The following ADGB variants were observed in gnomAD, a reference collection of about 807,000 sequenced individuals.
The protein encoded by ADGB is androglobin, also known as calpain-7-like protein.
In ADGB, 172 loss-of-function variants were observed where a neutral mutation model predicts 210.5. That is an observed-to-expected ratio of 0.82 (90% confidence interval 0.72 to 0.93). The LOEUF (loss-of-function observed/expected upper bound fraction) is 0.93, where lower values mean the gene tolerates loss of function less well. ADGB is among the 40% of genes least tolerant of loss of function. The pLI, the probability that ADGB is intolerant of heterozygous loss-of-function variation, is 0.00. For synonymous variants in ADGB, 658 were observed against 662.7 expected, an observed-to-expected ratio of 0.99 and a Z score of 0.11; for missense variants, 2,025 against 1,964.8, an observed-to-expected ratio of 1.03 and a Z score of -0.58.
intron 18 of ADGB, 196 bp from the exon 19 acceptor site, chr6:146,725,887 A>G: frequency 4.6e-6 from 2 of 433,818 alleles, no homozygotes; most frequent in Non-Finnish European, 8.3e-6. Flanking sequence ...CATAATAAGT[A>G]AAGCGTAGAT....
Position 146,721,478 on chromosome 6 carries a change from G to T in ADGB, c.2068G>T (p.Ala690Ser), listed in dbSNP as rs777381106. ...TATTGAACTACTGGTTTGCTTTTCT[G>T]CATTGGTACGCTGGGGGGAGTATGG... The part of the protein sequence containing the change: ...KPIELLVCFS[A>S]LVRWGEYGAL... Residue 690 changes from alanine to serine, a missense_variant, in exon 17 of 36, where the codon GCA (alanine) becomes TCA (serine). Physicochemically the swap from Ala to Ser is moderately conservative, Grantham distance 99. Coordinates refer to ENST00000397944, the MANE Select transcript of ADGB (RefSeq NM_024694.4). 1 of 1,549,750 alleles carries T rather than the reference G, an allele frequency of 6.5e-7. No homozygotes were observed. Among genetic ancestry groups the T allele is most frequent in the Non-Finnish European group, 8.7e-7 (1 of 1,145,266 alleles).
At chr6:146,758,121 G>A (rs1442690481) in intron 27 of ADGB, among the ~76,000 whole-genome samples, 1 of 152,002 alleles carries the variant, frequency 6.6e-6, no homozygotes, top group Non-Finnish European at 1.5e-5. Context: ...TCAGCACTTA[G>A]GCTGCATTAC....
intron 3 of ADGB, among the ~76,000 whole-genome samples, chr6:146,651,187 C>A (rs1040073225): frequency 1.3e-5 from 2 of 152,194 alleles, no homozygotes; most frequent in Non-Finnish European, 2.9e-5. Context: ...GGACAACCAG[C>A]CATGAGCTGC....
At chr6:146,603,212 CAA>C (rs1367922486) in intron 1 of ADGB, among the ~76,000 whole-genome samples, 1 of 152,086 alleles carries the variant, frequency 6.6e-6, no homozygotes, top group African/African-American at 2.4e-5. Flanking sequence ...CAATTATAAA[CAA>C]ATTAAATTAA....
intron 29 of ADGB, among the ~76,000 whole-genome samples, chr6:146,773,571 CTTAA>C (rs1777684115): frequency 6.6e-6 from 1 of 152,144 alleles, no homozygotes; most frequent in Non-Finnish European, 1.5e-5. Context: ...ATGCATTCTT[CTTAA>C]TTCTCACAAA....
chr6:146,731,043 C>T (rs189442796), intron 20 of ADGB, among the ~76,000 whole-genome samples: 144 of 152,180 alleles, frequency 9.5e-4, no homozygotes, highest in African/African-American at 3.4e-3. Flanking sequence ...TGCTCTAAGG[C>T]AAAGGATGTG....
intron 23 of ADGB, among the ~76,000 whole-genome samples, chr6:146,737,152 A>C (rs561636206): frequency 1.2e-4 from 18 of 152,246 alleles, no homozygotes; most frequent in Admixed American, 7.8e-4. Flanking sequence ...GGCAGAAAAA[A>C]AAAACCTCTA....
At chr6:146,809,804 AAAATT>A (rs1778277016) in intron 35 of ADGB, among the ~76,000 whole-genome samples, 7 of 152,236 alleles carry the variant, frequency 4.6e-5, no homozygotes, top group Admixed American at 4.6e-4. Context: ...GCTATACAAA[AAAATT>A]AAATAGATTA....
At chr6:146,634,591 G>A (rs1775374432) in intron 1 of ADGB, among the ~76,000 whole-genome samples, 1 of 151,988 alleles carries the variant, frequency 6.6e-6, no homozygotes, top group African/African-American at 2.4e-5. Context: ...TATGGGAATT[G>A]TAATACACAT....
intron 28 of ADGB, among the ~76,000 whole-genome samples, chr6:146,764,956 C>T (rs9377025): frequency 0.53 from 79,930 of 151,824 alleles, 21,897 homozygotes; most frequent in African/African-American, 0.66. Context: ...CCTGCCACCA[C>T]ACCTGACTAA....
chr6:146,740,901 A>G (rs1158368623), intron 24 of ADGB, among the ~76,000 whole-genome samples: 1 of 152,158 alleles, frequency 6.6e-6, no homozygotes, highest in Non-Finnish European at 1.5e-5. Flanking sequence ...ATATTTGGTA[A>G]AAGTCACAAA....
At position 146,666,825 on chromosome 6, in the gene ADGB, A is replaced by G; in HGVS notation, c.762A>G (p.Val254=). ...GCATGTTCTTTTTTAGCATCCATGT[A>G]GCAGACAGGAGAGAGCTGGGGGAGT... is the stretch of plus-strand genomic sequence containing the variant. ...IIKLANIDIH[V]ADRRELGEFT... The change falls in exon 7 of 36, where the codon GTA becomes GTG. Residue 254 remains valine (V), a synonymous_variant. Coordinates refer to ENST00000397944, the MANE Select transcript of ADGB (RefSeq NM_024694.4). The G allele has an allele frequency of 6.5e-6, 10 of 1,547,138 alleles. No individual in the cohort carries two copies. The highest frequency in any genetic ancestry group is 8.7e-6 in the Non-Finnish European group (10 of 1,143,752).
chr6:146,682,322 A>G (rs7748012), intron 9 of ADGB, among the ~76,000 whole-genome samples: 1,579 of 152,250 alleles, frequency 0.01, 23 homozygotes, highest in African/African-American at 0.034. Context: ...TATCACATGT[A>G]AAATAAAACA....
intron 24 of ADGB, among the ~76,000 whole-genome samples, chr6:146,740,906 C>T (rs1480637445): frequency 2.0e-5 from 3 of 152,006 alleles, no homozygotes; most frequent in Non-Finnish European, 2.9e-5. Flanking sequence ...TGGTAAAAGT[C>T]ACAAATTACT....
rs180974746 is a variant in ADGB at position 146,701,853 on chromosome 6, A to G, written c.1707+783A>G. ...CACAGGAGTATCTGTAGATGGGGAG[A>G]TACGACCACATGAAATACAGCAACA... On this transcript the variant is annotated intron_variant, in intron 13 of 35. Coordinates refer to ENST00000397944, the MANE Select transcript of ADGB (RefSeq NM_024694.4). Among the ~76,000 whole-genome samples the G allele has an allele frequency of 4.9e-4, 74 of 152,074 alleles. 1 individual carries two copies. Among genetic ancestry groups the G allele is most frequent in the Middle Eastern group, 3.4e-3 (1 of 294 alleles).
At chr6:146,786,220 A>AT (rs1041743643) in intron 32 of ADGB, among the ~76,000 whole-genome samples, 28 of 148,226 alleles carry the variant, frequency 1.9e-4, no homozygotes, top group African/African-American at 6.4e-4. Context: ...TATATATTAT[A>AT]ATATTATTCC....
rs1285603184 is a variant in ADGB, at chr6:146,815,356, T to A, written c.*139T>A. On this transcript the variant is annotated 3_prime_UTR_variant, in exon 36 of 36. Transcript: ENST00000397944. ...TTAGAAATATTTTAATGCTAACTTGTTAGTTTTCCTCAGAAAGCTAGTATT... is the reference window on the plus strand; with the variant it reads ...TTAGAAATATTTTAATGCTAACTTGATAGTTTTCCTCAGAAAGCTAGTATT... The A allele has an allele frequency of 1.6e-6, 1 of 616,936 alleles. No individual in the cohort carries two copies. The highest frequency in any genetic ancestry group is 2.0e-5 in the African/African-American group (1 of 50,200). 38.2% of individuals were successfully genotyped at this position (616,936 alleles called of 1,614,324 possible).
intron 12 of ADGB, among the ~76,000 whole-genome samples, chr6:146,695,492 T>G (rs1776389955): frequency 6.6e-6 from 1 of 152,086 alleles, no homozygotes; most frequent in African/African-American, 2.4e-5. Flanking sequence ...TTAATTGAAT[T>G]GATTAAAATA....
rs2114592240 is a variant in ADGB at position 146,736,602 on chromosome 6, C to A, written c.2888+11C>A. ...AGTTTCTCTCTTAAGGTAAAGCAGT[C>A]AAATGATATTTTTATTGCAGTATAT... On this transcript the variant is annotated intron_variant, in intron 23 of 35. Coordinates refer to ENST00000397944, the MANE Select transcript of ADGB (RefSeq NM_024694.4). 1.3e-6 allele frequency: 2 copies of A among 1,514,368 alleles called. No homozygotes were observed. The highest frequency in any genetic ancestry group is 4.9e-5 in the East Asian group (2 of 40,584). 93.8% of individuals were successfully genotyped at this position (1,514,368 alleles called of 1,614,324 possible).
Sources: gnomAD v4.1 joint callset for allele counts (sites outside exome capture counted in the v4.1 genomes callset) on GRCh38, gnomAD v4.1.1 for gene constraint, MANE v1.5 for transcripts, NCBI Gene and HGNC (gene_info 2026-07-23, HGNC 2026-07-21) for gene names.